Variants in PTPRK observed in about 807,000 individuals in gnomAD.
PTPRK encodes the protein receptor-type tyrosine-protein phosphatase kappa.
Under a neutral mutation model 178.0 loss-of-function variants are expected in PTPRK, and 75 were observed. The ratio of observed to expected loss-of-function variants is 0.42; its 90% confidence interval spans 0.35 to 0.51. The LOEUF is 0.51. Ranked by LOEUF, PTPRK falls within the 20% of genes least tolerant of loss-of-function variation. PTPRK has a pLI of 0.02. For synonymous variants in PTPRK, 637 were observed against 620.6 expected (o/e 1.03, Z -0.39); for missense variants, 1,441 against 1,797.8 (o/e 0.80, Z 3.59).
At chr6:128,327,536 T>C (rs1829741054) in intron 2 of PTPRK, among the ~76,000 whole-genome samples, 1 of 152,176 alleles carries the variant, frequency 6.6e-6, no homozygotes, top group Admixed American at 6.5e-5. Flanking sequence ...CATGCCAGTT[T>C]TCTGTCCTCA....
At chr6:128,057,546 T>C (rs138446123) in intron 13 of PTPRK, among the ~76,000 whole-genome samples, 294 of 152,344 alleles carry the variant, frequency 1.9e-3, no homozygotes, top group African/African-American at 6.8e-3. Context: ...TAATAAGCTT[T>C]CTTGATAGAC....
chr6:127,969,966 G>A lies in PTPRK; in HGVS notation c.*261C>T, dbSNP rs971645207. The A allele has an allele frequency of 2.6e-5, 9 of 348,946 alleles. No individual in the cohort carries two copies. The East Asian group carries it at 3.0e-4, about 12-fold the overall frequency. 21.6% of individuals were successfully genotyped at this position (348,946 alleles called of 1,614,324 possible). A position where few individuals can be genotyped will look rare whatever the true frequency, so the allele number is the denominator to read the frequency against. ...ATGTTCACTGTACAAACACCAATAC[G>A]TTCTCATTTCAATCTGGTTCTTATT... is the stretch of plus-strand genomic sequence containing the variant. On this transcript the variant is annotated 3_prime_UTR_variant, in exon 30 of 30. Coordinates refer to ENST00000368226, the MANE Select transcript of PTPRK (RefSeq NM_002844.4).
rs1274908918 is a variant in PTPRK, at chr6:128,083,623, C to T, written c.1575+92G>A. On this transcript the variant is annotated intron_variant, in intron 9 of 29. Transcript: ENST00000368226. ...ATTTTAATCCCCTAATCCTCATTTA[C>T]GTCTTTTCCATATTTCCCTCTAACT... 1.2e-5 allele frequency: 7 copies of T among 604,356 alleles called. No individual in the cohort carries two copies. In the Admixed American group the frequency reaches 1.3e-4, roughly 11 times the overall value. 37.4% of individuals were successfully genotyped at this position (604,356 alleles called of 1,614,324 possible).
In PTPRK at chr6:128,170,159, C is replaced by A. The variant is rs77888870; in HGVS notation, c.1162+14273G>T. Reference sequence around the variant, plus strand: ...AAGCCTAATAAGAAACTTCATGAAACAAACACCACAAAACAGACCAAGGCA... The same window carrying A: ...AAGCCTAATAAGAAACTTCATGAAAAAAACACCACAAAACAGACCAAGGCA... On this transcript the variant is annotated intron_variant, in intron 7 of 29. Coordinates refer to ENST00000368226, the MANE Select transcript of PTPRK (RefSeq NM_002844.4). 5.0e-3 allele frequency among the ~76,000 whole-genome samples: 762 copies of A among 151,990 alleles called. 2 individuals carry two copies. Among genetic ancestry groups the A allele is most frequent in the African/African-American group, 0.018 (726 of 41,478 alleles).
intron 7 of PTPRK, among the ~76,000 whole-genome samples, chr6:128,128,348 A>C (rs1415650083): frequency 6.6e-6 from 1 of 152,060 alleles, no homozygotes; most frequent in East Asian, 1.9e-4. Flanking sequence ...TCCCAGCCTC[A>C]CTGCTTATAC....
chr6:128,131,018 T>C (rs1280124618), intron 7 of PTPRK, among the ~76,000 whole-genome samples: 1 of 152,212 alleles, frequency 6.6e-6, no homozygotes, highest in Non-Finnish European at 1.5e-5. Flanking sequence ...ACATGTCTAC[T>C]TTTTGCTCTA....
intron 29 of PTPRK, 111 bp downstream of exon 29, chr6:127,972,911 G>T: frequency 9.0e-7 from 1 of 1,116,890 alleles, no homozygotes; most frequent in Admixed American, 2.1e-5. Context: ...TCCCCACAAC[G>T]TCTCATTTTC....
At chr6:128,261,159 A>T (rs1443126775) in intron 3 of PTPRK, among the ~76,000 whole-genome samples, 1 of 152,136 alleles carries the variant, frequency 6.6e-6, no homozygotes, top group East Asian at 1.9e-4. Flanking sequence ...GCTCCAAATA[A>T]AACTTTCAAA....
intron 7 of PTPRK, among the ~76,000 whole-genome samples, chr6:128,155,188 A>G (rs575849615): frequency 6.6e-6 from 1 of 151,910 alleles, no homozygotes; most frequent in Non-Finnish European, 1.5e-5. Context: ...TGGTAGTTAT[A>G]CTAGAAGTTT....
intron 2 of PTPRK, among the ~76,000 whole-genome samples, chr6:128,372,045 A>G (rs981845361): frequency 6.6e-6 from 1 of 152,216 alleles, no homozygotes; most frequent in African/African-American, 2.4e-5. Context: ...GCATGAAATG[A>G]CATTTGCCTA....
At chr6:127,984,300 C>T (rs1775702516) in intron 22 of PTPRK, among the ~76,000 whole-genome samples, 1 of 152,164 alleles carries the variant, frequency 6.6e-6, no homozygotes, top group South Asian at 2.1e-4. Context: ...CAGACTCATC[C>T]TACAGTGGTA....
At chr6:128,260,316 G>A (rs541604402) in intron 3 of PTPRK, among the ~76,000 whole-genome samples, 1 of 152,156 alleles carries the variant, frequency 6.6e-6, no homozygotes, top group Non-Finnish European at 1.5e-5. Flanking sequence ...AGTGGTTTGT[G>A]GGAGACCAAG....
Position 127,996,881 on chromosome 6 carries a change from A to G in PTPRK, c.2767+20T>C. 6.2e-7 allele frequency: 1 copy of G among 1,603,224 alleles called. No individual in the cohort carries two copies. The highest frequency in any genetic ancestry group is 8.5e-7 in the Non-Finnish European group (1 of 1,173,882). On this transcript the variant is annotated intron_variant, in intron 17 of 29. Transcript: ENST00000368226. ...AAGCATATAATATTTACATTCACCA[A>G]GAATTGAATGGGAACTTACATGCTA... is the stretch of plus-strand genomic sequence containing the variant.
chr6:128,471,805 G>A (rs1348935165), intron 1 of PTPRK, among the ~76,000 whole-genome samples: 1 of 151,902 alleles, frequency 6.6e-6, no homozygotes, highest in African/African-American at 2.4e-5. Flanking sequence ...ACTGTATTTG[G>A]GGCTGGGTTT....
At chr6:128,011,548 A>G (rs1779054446) in intron 13 of PTPRK, among the ~76,000 whole-genome samples, 1 of 151,216 alleles carries the variant, frequency 6.6e-6, no homozygotes, top group South Asian at 2.1e-4. Context: ...CAGATAATGT[A>G]TATGGGTACA....
chr6:128,237,468 G>T (rs1240711936), intron 5 of PTPRK, among the ~76,000 whole-genome samples: 1 of 152,094 alleles, frequency 6.6e-6, no homozygotes, highest in Non-Finnish European at 1.5e-5. Context: ...CATGCAAAAC[G>T]AATTACAAGA....
chr6:128,393,098 T>A (rs1839831066), intron 2 of PTPRK, among the ~76,000 whole-genome samples: 1 of 151,234 alleles, frequency 6.6e-6, no homozygotes, highest in African/African-American at 2.4e-5. Context: ...ACTTTTTTTT[T>A]TTTTTTTTTT....
At chr6:128,248,473 A>C (rs1233600433) in intron 3 of PTPRK, among the ~76,000 whole-genome samples, 2 of 152,192 alleles carry the variant, frequency 1.3e-5, no homozygotes, top group African/African-American at 4.8e-5. Context: ...GAAATGAAAA[A>C]AATATATTTA....
In PTPRK at chr6:128,142,740, T is replaced by C. The variant is rs576974860; in HGVS notation, c.1162+41692A>G. 4.6e-5 allele frequency among the ~76,000 whole-genome samples: 7 copies of C among 152,090 alleles called. No individual in the cohort carries two copies. In the South Asian group the frequency reaches 1.2e-3, roughly 27 times the overall value. On this transcript the variant is annotated intron_variant, in intron 7 of 29. Coordinates refer to ENST00000368226, the MANE Select transcript of PTPRK (RefSeq NM_002844.4). ...TCTTACATTTCAACAAAAATAAAGA[T>C]TAATTTTAATAAGGAGTGACTGTCC...
Sources: gnomAD v4.1 joint callset for allele counts (sites outside exome capture counted in the v4.1 genomes callset) on GRCh38, gnomAD v4.1.1 for gene constraint, MANE v1.5 for transcripts, NCBI Gene and HGNC (gene_info 2026-07-23, HGNC 2026-07-21) for gene names.